Variants in SMAGP observed in about 807,000 individuals in gnomAD.
SMAGP encodes small cell adhesion glycoprotein.
SMAGP carries 7 observed loss-of-function variants against 10.1 expected under a neutral mutation model. The ratio of observed to expected loss-of-function variants is 0.70; its 90% CI spans 0.40 to 1.31. The LOEUF is 1.31. SMAGP is among the 50% of genes most tolerant of loss of function. SMAGP has a pLI of 0.01. For missense variants in SMAGP, 113 were observed against 116.5 expected, an observed-to-expected ratio of 0.97 and a Z score of 0.14; for synonymous variants, 49 against 47.2, an observed-to-expected ratio of 1.04 and a Z score of -0.16.
Position 51,264,934 on chromosome 12 carries a change from GA to G in SMAGP, c.34+4310del, listed in dbSNP as rs757470160. Among the ~76,000 whole-genome samples, 142 of 68,650 alleles carry G rather than the reference GA, an allele frequency of 2.1e-3. 2 individuals are homozygous for G. The highest frequency in any genetic ancestry group is 9.5e-3 in the East Asian group (19 of 2,008). 45.0% of individuals were successfully genotyped at this position (68,650 alleles called of 152,430 possible). On this transcript the variant is annotated intron_variant, in intron 2 of 3. Transcript: ENST00000603798. ...GTGACAGAGCAAGACTCCATCGCCAGAAAAAAAAAAAAAAAAAGAGAAAGAG... is the reference window on the plus strand; with the variant it reads ...GTGACAGAGCAAGACTCCATCGCCAGAAAAAAAAAAAAAAAAGAGAAAGAG...
rs371385707 is a variant in SMAGP, at chr12:51,269,247, C to G, written c.32G>C (p.Arg11Thr). 6.2e-7 allele frequency: 1 copy of G among 1,613,864 alleles called. No homozygotes were observed. Among genetic ancestry groups the G allele is most frequent in the South Asian group, 1.1e-5 (1 of 91,080 alleles). The change falls in exon 2 of 4, where the codon AGA becomes ACA. Residue 11 changes from arginine to threonine, a missense_variant and splice_region_variant. Coordinates refer to ENST00000603798, the MANE Select transcript of SMAGP (RefSeq NM_001031628.2). ...GATTAGGAAAGGCCTTCACCTACCT[C>G]TTGGAGAAGGAGTAGTCAGGAGGCT... MTSLLTTPSPREELMTTPILQ... is the reference protein window; with the variant it reads MTSLLTTPSPTEELMTTPILQ...
intron 2 of SMAGP, among the ~76,000 whole-genome samples, chr12:51,259,074 C>T (rs914827131): frequency 6.6e-6 from 1 of 150,530 alleles, no homozygotes; most frequent in East Asian, 2.0e-4. Flanking sequence ...GTTGAGGCTG[C>T]GGTGAGCCAT....
At chr12:51,261,746 T>C (rs144660205) in intron 2 of SMAGP, among the ~76,000 whole-genome samples, 196 of 152,118 alleles carry the variant, frequency 1.3e-3, no homozygotes, top group Non-Finnish European at 2.1e-3. Flanking sequence ...AATTTTAAAA[T>C]AAAAAATCCA....
chr12:51,269,390 A>G (rs1945006079), intron 1 of SMAGP, 74 bp from the exon 2 acceptor site: 1 of 1,226,432 alleles, frequency 8.2e-7, no homozygotes, highest in Non-Finnish European at 1.2e-6. Context: ...AGTCCCAGGA[A>G]AGCCTCTGGT....
Position 51,265,200 on chromosome 12 carries a change from A to C in SMAGP, c.34+4045T>G, listed in dbSNP as rs146664843. Among the ~76,000 whole-genome samples the C allele has an allele frequency of 8.1e-4, 123 of 152,316 alleles. 2 individuals carry two copies. In the East Asian group the frequency reaches 0.023, roughly 28 times the overall value. The stretch of plus-strand genomic sequence containing the variant: ...CTTCACACACAATATGATGACTACC[A>C]TTAAACAGAAAGTAACAAGTGTTGG... On this transcript the variant is annotated intron_variant, in intron 2 of 3. Coordinates refer to ENST00000603798, the MANE Select transcript of SMAGP (RefSeq NM_001031628.2).
rs750633388 is a variant in SMAGP, at chr12:51,265,760, G to A, written c.34+3485C>T. On this transcript the variant is annotated intron_variant, in intron 2 of 3. Coordinates refer to ENST00000603798, the MANE Select transcript of SMAGP (RefSeq NM_001031628.2). ...CGGTTTGGGAAGGTAAAGTTCTGGA[G>A]ATGGATGGTGGTGAGGAACATGAAT... Among the ~76,000 whole-genome samples the A allele has an allele frequency of 1.9e-4, 29 of 152,112 alleles. 2 individuals are homozygous for A. Among genetic ancestry groups the A allele is most frequent in the Non-Finnish European group, 3.2e-4 (22 of 68,032 alleles).
chr12:51,252,176 C>G (rs1483142435), intron 2 of SMAGP, among the ~76,000 whole-genome samples: 1 of 151,852 alleles, frequency 6.6e-6, no homozygotes, highest in Non-Finnish European at 1.5e-5. Flanking sequence ...TCACTGCAAC[C>G]TCTGTCTCCC....
At chr12:51,247,720 C>T (rs959283766) in intron 2 of SMAGP, among the ~76,000 whole-genome samples, 5 of 152,168 alleles carry the variant, frequency 3.3e-5, no homozygotes, top group Non-Finnish European at 5.9e-5. Context: ...GGAGGCACCC[C>T]GACCTGACTG....
rs1357488696 is a variant in SMAGP at position 51,245,680 on chromosome 12, G to A, written c.*261C>T. 2.3e-5 allele frequency: 10 copies of A among 439,580 alleles called. No individual in the cohort carries two copies. The East Asian group carries it at 3.6e-4, about 16-fold the overall frequency. The allele number at this position is 439,580 out of a possible 1,614,324, so 27.2% of individuals were successfully genotyped here. ...CTGGGCACATACTCAGATGTCCCCT[G>A]GCATAGCCACATCTTGTTGGCCAGT... is the stretch of plus-strand genomic sequence containing the variant. On this transcript the variant is annotated 3_prime_UTR_variant, in exon 4 of 4. Transcript: ENST00000603798.
At position 51,269,247 on chromosome 12, in the gene SMAGP, C is replaced by A. The variant is rs371385707; in HGVS notation, c.32G>T (p.Arg11Ile). The change falls in exon 2 of 4, where the codon AGA becomes ATA. Residue 11 changes from arginine to isoleucine, a missense_variant and splice_region_variant. Transcript: ENST00000603798. Reference protein sequence around the residue: MTSLLTTPSPREELMTTPILQ... With the variant: MTSLLTTPSPIEELMTTPILQ... ...GATTAGGAAAGGCCTTCACCTACCT[C>A]TTGGAGAAGGAGTAGTCAGGAGGCT... 10 of 1,613,746 alleles carry A rather than the reference C, an allele frequency of 6.2e-6. No individual in the cohort carries two copies. The highest frequency in any genetic ancestry group is 1.7e-5 in the Admixed American group (1 of 59,980).
chr12:51,263,903 T>A (rs1249059750), intron 2 of SMAGP, among the ~76,000 whole-genome samples: 1 of 152,052 alleles, frequency 6.6e-6, no homozygotes, highest in Non-Finnish European at 1.5e-5. Context: ...AAAGAAATAT[T>A]AAGGTTGTTA....
intron 2 of SMAGP, among the ~76,000 whole-genome samples, chr12:51,260,400 G>A (rs1398445471): frequency 1.6e-4 from 24 of 151,394 alleles, no homozygotes; most frequent in African/African-American, 5.3e-4. Context: ...TTTTTGAGAC[G>A]GAGTCTCGCT....
chr12:51,270,326 C>T lies in SMAGP; in HGVS notation c.-109G>A, dbSNP rs1253699072. ...CGCGTCCTTTTGAACTCAACGGGGG[C>T]GGGCACCGCGGAGTCGCGGAGGCCA... On this transcript the variant is annotated 5_prime_UTR_variant, in exon 1 of 4. Transcript: ENST00000603798. 5.9e-6 allele frequency: 1 copy of T among 168,522 alleles called. No individual in the cohort carries two copies. The highest frequency in any genetic ancestry group is 2.4e-5 in the African/African-American group (1 of 42,348). The allele number at this position is 168,522 out of a possible 1,614,324, so 10.4% of individuals were successfully genotyped here.
rs182359440 is a variant in SMAGP, at chr12:51,257,366, G to C, written c.35-10535C>G. Among the ~76,000 whole-genome samples the C allele has an allele frequency of 3.6e-4, 55 of 152,276 alleles. 2 individuals carry two copies. In the East Asian group the frequency reaches 7.9e-3, roughly 22 times the overall value. The stretch of plus-strand genomic sequence containing the variant: ...AATGCAGGTGGCAGGTTGATGGTGA[G>C]GGTGCGAGCCTTTGGCAGTTCTCTT... On this transcript the variant is annotated intron_variant, in intron 2 of 3. Transcript: ENST00000603798.
chr12:51,246,093 G>C lies in SMAGP; in HGVS notation c.142C>G (p.Leu48Val), dbSNP rs1399471968. 15 of 1,613,962 alleles carry C rather than the reference G, an allele frequency of 9.3e-6. No individual in the cohort carries two copies. In the East Asian group the frequency reaches 2.9e-4, roughly 31 times the overall value. Residue 48 changes from leucine (L) to valine (V), a missense_variant, in exon 4 of 4, where the codon CTG becomes GTG. Coordinates refer to ENST00000603798, the MANE Select transcript of SMAGP (RefSeq NM_001031628.2). ...AAGATCAAGATCACGACCGAGAGCA[G>C]GGTGAGGAAGACAACGGTGATAACA... Reference protein sequence around the residue: ...AVVITVVFLTLLSVVILIFFY... With the variant: ...AVVITVVFLTVLSVVILIFFY...
chr12:51,255,678 G>A (rs149271559), intron 2 of SMAGP, among the ~76,000 whole-genome samples: 1 of 152,240 alleles, frequency 6.6e-6, no homozygotes, highest in Non-Finnish European at 1.5e-5. Context: ...ACTACAGTGT[G>A]GACAATAGGC....
chr12:51,248,424 ACACACACACACTCTCTCT>A (rs1232701727), intron 2 of SMAGP, among the ~76,000 whole-genome samples: 43 of 112,434 alleles, frequency 3.8e-4, no homozygotes, highest in East Asian at 1.4e-3. Context: ...ACACACACAC[ACACACACACACTCTCTCT>A]CTCTCTCTCT....
At chr12:51,249,987 C>T (rs10431488) in intron 2 of SMAGP, among the ~76,000 whole-genome samples, 1 of 151,998 alleles carries the variant, frequency 6.6e-6, no homozygotes, top group African/African-American at 2.4e-5. Context: ...CATTGCAGTT[C>T]TATTATGAAG....
intron 2 of SMAGP, among the ~76,000 whole-genome samples, chr12:51,260,364 TTTTTTGTTGTTG>T (rs1944921507): frequency 1.3e-5 from 2 of 150,814 alleles, no homozygotes; most frequent in Admixed American, 1.3e-4. Context: ...GCTGATTGTT[TTTTTTGTTGTTG>T]TTGTTGTTGT....
Sources: gnomAD v4.1 joint callset for allele counts (sites outside exome capture counted in the v4.1 genomes callset) on GRCh38, gnomAD v4.1.1 for gene constraint, MANE v1.5 for transcripts, NCBI Gene and HGNC (gene_info 2026-07-23, HGNC 2026-07-21) for gene names.